The following AHCTF1 variants were observed in gnomAD, a reference collection of about 807,000 sequenced individuals.
The protein encoded by AHCTF1 is AT-hook containing transcription factor 1.
Under a neutral mutation model 248.4 loss-of-function variants are expected in AHCTF1, and 24 were observed. That is an observed-to-expected ratio of 0.10 (90% CI 0.07 to 0.14). The LOEUF is 0.14. Among genes scored for constraint, AHCTF1 ranks in the 10% least tolerant of loss-of-function variants. The pLI is 1.00. For missense variants in AHCTF1, 2,206 were observed against 2,636.2 expected, an observed-to-expected ratio of 0.84 and a Z score of 3.57; for synonymous variants, 786 against 929.8, an observed-to-expected ratio of 0.85 and a Z score of 2.81.
intron 30 of AHCTF1, among the ~76,000 whole-genome samples, chr1:246,856,136 T>C (rs1198447009): frequency 6.6e-6 from 1 of 152,264 alleles, no homozygotes; most frequent in African/African-American, 2.4e-5. Flanking sequence ...TTTAATAATC[T>C]GTGGCCAGTC....
chr1:246,888,086 C>A (rs1218372890), intron 19 of AHCTF1, 91 bp downstream of exon 19: 2 of 1,415,098 alleles, frequency 1.4e-6, no homozygotes, highest in Non-Finnish European at 9.7e-7. Flanking sequence ...CAAAATTCAA[C>A]CTTGCAATTA....
At chr1:246,882,088 C>T (rs1663483128) in intron 21 of AHCTF1, among the ~76,000 whole-genome samples, 1 of 151,206 alleles carries the variant, frequency 6.6e-6, no homozygotes, top group South Asian at 2.1e-4. Context: ...AGCTCCGCCT[C>T]CTGGGTTCAC....
At chr1:246,845,762 GCCT>G (rs1660213051) in intron 33 of AHCTF1, among the ~76,000 whole-genome samples, 1 of 152,104 alleles carries the variant, frequency 6.6e-6, no homozygotes, top group Non-Finnish European at 1.5e-5. Context: ...AGTTCAAAAG[GCCT>G]AGGTTCAAAC....
At chr1:246,892,833 C>CG (rs1463621202) in intron 14 of AHCTF1, among the ~76,000 whole-genome samples, 2 of 151,590 alleles carry the variant, frequency 1.3e-5, no homozygotes, top group Admixed American at 6.6e-5. Context: ...TTTGCAGAGA[C>CG]GGGGGTCTTG....
At chr1:246,861,922 A>T (rs1205057018) in intron 28 of AHCTF1, 37 bp downstream of exon 28, 2 of 1,537,932 alleles carry the variant, frequency 1.3e-6, no homozygotes, top group Non-Finnish European at 1.8e-6. Context: ...CATTCTTATT[A>T]AAAAATGTCT....
chr1:246,909,239 G>A lies in AHCTF1; in HGVS notation c.557-1481C>T, dbSNP rs537713121. Reference sequence around the variant, plus strand: ...AGCCTGACCAATATGGTGAAACCTCGGCTCTACTAAAAAAAAAAAAAAAAA... The same window carrying A: ...AGCCTGACCAATATGGTGAAACCTCAGCTCTACTAAAAAAAAAAAAAAAAA... On this transcript the variant is annotated intron_variant, in intron 4 of 35. Transcript: ENST00000648844. 9.5e-4 allele frequency among the ~76,000 whole-genome samples: 132 copies of A among 138,672 alleles called. 1 individual carries two copies. Among genetic ancestry groups the A allele is most frequent in the African/African-American group, 3.0e-3 (108 of 36,406 alleles). The allele number at this position is 138,672 out of a possible 152,430, so 91.0% of individuals were successfully genotyped here.
At chr1:246,860,524 A>C (rs2103064795) in intron 29 of AHCTF1, among the ~76,000 whole-genome samples, 1 of 152,316 alleles carries the variant, frequency 6.6e-6, no homozygotes, top group Middle Eastern at 3.4e-3. Context: ...TCTAGGAACT[A>C]GTATACTGTG....
In AHCTF1 at chr1:246,913,177, T is replaced by C; in HGVS notation, c.556+55A>G. 2.8e-6 allele frequency: 4 copies of C among 1,435,620 alleles called. No homozygotes were observed. The Admixed American group carries it at 7.3e-5, about 26-fold the overall frequency. 88.9% of individuals were successfully genotyped at this position (1,435,620 alleles called of 1,614,324 possible). A position where few individuals can be genotyped will look rare whatever the true frequency, so the allele number is the denominator to read the frequency against. On this transcript the variant is annotated intron_variant, in intron 4 of 35. Transcript: ENST00000648844. ...AAAAATTTGGCTACTTTAAAAAATA[T>C]TGCATCAGAATATCCAGGTGCTCCA...
chr1:246,931,453 G>C, intron 1 of AHCTF1, 125 bp downstream of exon 1: 7 of 1,138,500 alleles, frequency 6.1e-6, no homozygotes, highest in Non-Finnish European at 7.7e-6. Context: ...GCCCGGCCTA[G>C]GCCCGGCGCT....
At chr1:246,902,723 G>T (rs946789208) in intron 7 of AHCTF1, 48 bp from the exon 8 acceptor site, 1 of 1,479,370 alleles carries the variant, frequency 6.8e-7, no homozygotes, top group Non-Finnish European at 9.1e-7. Flanking sequence ...TAGGCAAAAA[G>T]TCACTCTAAA....
intron 12 of AHCTF1, 63 bp downstream of exon 12, chr1:246,898,145 T>A (rs1664726711): frequency 6.3e-7 from 1 of 1,591,834 alleles, no homozygotes; most frequent in Non-Finnish European, 8.6e-7. Flanking sequence ...ACATTTTTAC[T>A]GTAATAGAAA....
At chr1:246,915,383 A>G (rs1317425389) in intron 3 of AHCTF1, among the ~76,000 whole-genome samples, 1 of 152,098 alleles carries the variant, frequency 6.6e-6, no homozygotes, top group Non-Finnish European at 1.5e-5. Context: ...CTCATTACAA[A>G]TAAGGCCATT....
chr1:246,908,328 A>G (rs941228274), intron 4 of AHCTF1, among the ~76,000 whole-genome samples: 4 of 151,180 alleles, frequency 2.6e-5, no homozygotes, highest in African/African-American at 9.7e-5. Context: ...GGATACAAAA[A>G]AAAAAAAAAA....
intron 21 of AHCTF1, among the ~76,000 whole-genome samples, chr1:246,880,907 A>G (rs1413514744): frequency 2.0e-5 from 3 of 152,232 alleles, no homozygotes; most frequent in Non-Finnish European, 4.4e-5. Flanking sequence ...AGGCTAGGCT[A>G]GCATGTTGGC....
chr1:246,910,731 G>T lies in AHCTF1; in HGVS notation c.556+2501C>A, dbSNP rs116430711. Among the ~76,000 whole-genome samples, 853 of 152,094 alleles carry T rather than the reference G, an allele frequency of 5.6e-3. 8 individuals are homozygous for T. The highest frequency in any genetic ancestry group is 0.019 in the African/African-American group (803 of 41,452). ...GGAAAAATCATATCACACTGTCCTA[G>T]AACAGGGCCCCCACCCCCAAATCAC... On this transcript the variant is annotated intron_variant, in intron 4 of 35. Coordinates refer to ENST00000648844, the MANE Select transcript of AHCTF1 (RefSeq NM_001323342.2).
intron 1 of AHCTF1, among the ~76,000 whole-genome samples, chr1:246,930,629 T>A (rs1340554466): frequency 1.3e-5 from 2 of 149,620 alleles, no homozygotes; most frequent in African/African-American, 4.9e-5. Flanking sequence ...CTCAGGCTGG[T>A]CTCAAACTCC....
chr1:246,930,797 T>G (rs1398622132), intron 1 of AHCTF1, among the ~76,000 whole-genome samples: 1 of 152,190 alleles, frequency 6.6e-6, no homozygotes, highest in Non-Finnish European at 1.5e-5. Flanking sequence ...ATTTACGTTT[T>G]GTTCTATGAA....
At chr1:246,916,636 A>G (rs1039395609) in intron 2 of AHCTF1, among the ~76,000 whole-genome samples, 1 of 152,232 alleles carries the variant, frequency 6.6e-6, no homozygotes, top group Non-Finnish European at 1.5e-5. Context: ...CCTGCGTGAC[A>G]GAGCAAGACT....
At chr1:246,876,868 G>T in intron 23 of AHCTF1, 82 bp downstream of exon 23, 1 of 1,513,904 alleles carries the variant, frequency 6.6e-7, no homozygotes, top group African/African-American at 1.4e-5. Flanking sequence ...TTACCAAACT[G>T]TAAGCTCTTA....
Sources: allele counts gnomAD v4.1 joint callset (sites outside exome capture counted in the v4.1 genomes callset), GRCh38; gene constraint gnomAD v4.1.1; transcripts MANE v1.5; gene names NCBI Gene and HGNC (gene_info 2026-07-23, HGNC 2026-07-21).